PLS3: variants seen among roughly 807,000 people sequenced by gnomAD.
The protein encoded by PLS3 is plastin-3.
A neutral mutation model predicts 46.5 loss-of-function variants in PLS3; 11 were observed. The ratio of observed to expected loss-of-function variants is 0.24; its 90% confidence interval spans 0.15 to 0.39. The LOEUF (loss-of-function observed/expected upper bound fraction) is 0.39, where lower values mean the gene tolerates loss of function less well. PLS3 is among the 10% of genes least tolerant of loss of function. The pLI is 1.00. For synonymous variants in PLS3, 167 were observed against 162.2 expected, an observed-to-expected ratio of 1.03 and a Z score of -0.22; for missense variants, 308 against 461.8, an observed-to-expected ratio of 0.67 and a Z score of 3.05.
At position 115,629,825 on chromosome X, in the gene PLS3, A is replaced by G; in HGVS notation, c.368-10A>G. The G allele has an allele frequency of 2.8e-6, 3 of 1,063,315 alleles. No individual in the cohort carries two copies. The highest frequency in any genetic ancestry group is 4.8e-5 in the Admixed American group (2 of 41,611). The allele number at this position is 1,063,315 out of a possible 1,213,427, so 87.6% of individuals were successfully genotyped here. On this transcript the variant is annotated splice_polypyrimidine_tract_variant and intron_variant, in intron 4 of 15. Transcript: ENST00000355899. The stretch of plus-strand genomic sequence containing the variant: ...ATGAACTAATGTCTTGTTATTTAAC[A>G]TAATTTTAGAGGAAGAAAAATATGC...
intron 1 of PLS3, among the ~76,000 whole-genome samples, chrX:115,595,170 T>G (rs781996429): frequency 1.8e-5 from 2 of 111,972 alleles, no homozygotes; most frequent in South Asian, 7.4e-4. Context: ...TATTTTTAAA[T>G]AGCCATTGCT....
At chrX:115,632,188 G>A (rs1413094474) in intron 5 of PLS3, among the ~76,000 whole-genome samples, 3 of 111,851 alleles carry the variant, frequency 2.7e-5, no homozygotes, top group African/African-American at 9.7e-5. Flanking sequence ...TCTATAAATT[G>A]TAAAAATAAT....
chrX:115,580,987 C>T (rs1556631765), intron 1 of PLS3, among the ~76,000 whole-genome samples: 2 of 111,267 alleles, frequency 1.8e-5, no homozygotes, highest in Non-Finnish European at 3.8e-5. Context: ...CCTCCCGCCT[C>T]AGCCTCCCAA....
intron 1 of PLS3, among the ~76,000 whole-genome samples, chrX:115,591,868 C>A (rs2074347506): frequency 8.9e-6 from 1 of 112,362 alleles, no homozygotes; most frequent in South Asian, 3.7e-4. Flanking sequence ...GCAACAAAGA[C>A]AGACGGAAAA....
At chrX:115,622,169 C>T (rs377480243) in intron 2 of PLS3, 77 bp from the exon 3 acceptor site, 2 of 818,039 alleles carry the variant, frequency 2.4e-6, no homozygotes, top group African/African-American at 2.1e-5. Context: ...TGAACTGAAC[C>T]TCAAATGAAG....
intron 1 of PLS3, among the ~76,000 whole-genome samples, chrX:115,597,841 T>C (rs1051347957): frequency 8.9e-6 from 1 of 111,770 alleles, no homozygotes; most frequent in Non-Finnish European, 1.9e-5. Flanking sequence ...GTCAATTTTA[T>C]TTGAGGTACC....
At chrX:115,633,449 C>G (rs1021100485) in intron 5 of PLS3, among the ~76,000 whole-genome samples, 5 of 111,203 alleles carry the variant, frequency 4.5e-5, no homozygotes, top group South Asian at 3.8e-4. Flanking sequence ...GGATTACAGG[C>G]GTGAGCCACC....
At chrX:115,610,367 T>G (rs2074536631) in intron 2 of PLS3, 44 bp downstream of exon 2, 2 of 704,391 alleles carry the variant, frequency 2.8e-6, no homozygotes, top group Admixed American at 5.6e-5. Context: ...CAATATTTAT[T>G]TGGTCTCAAA....
intron 1 of PLS3, among the ~76,000 whole-genome samples, chrX:115,572,465 T>C (rs1458046657): frequency 8.9e-6 from 1 of 111,961 alleles, no homozygotes; most frequent in African/African-American, 3.2e-5. Flanking sequence ...ATCTAGAAAC[T>C]GTAAGTGTTG....
At chrX:115,570,017 A>C (rs192201739) in intron 1 of PLS3, among the ~76,000 whole-genome samples, 122 of 110,949 alleles carry the variant, frequency 1.1e-3, no homozygotes, top group African/African-American at 3.9e-3. Flanking sequence ...GCTCACTGCA[A>C]CCTCCATCCC....
chrX:115,647,610 T>C lies in PLS3; in HGVS notation c.1572T>C (p.Ile524=). 8.3e-7 allele frequency: 1 copy of C among 1,203,469 alleles called. No homozygotes were observed. The highest frequency in any genetic ancestry group is 1.8e-5 in the South Asian group (1 of 56,743). The change falls in exon 14 of 16, where the codon ATT becomes ATC. Residue 524 remains isoleucine (I), a synonymous_variant. Transcript: ENST00000355899. ...GTCAGAAAGCCAATGACGACATCAT[T>C]GTGAACTGGGTGAACAGAACGTTGA... ...GDGQKANDDI[I]VNWVNRTLSE...
At chrX:115,648,767 C>G (rs1195111430) in intron 15 of PLS3, among the ~76,000 whole-genome samples, 1 of 111,919 alleles carries the variant, frequency 8.9e-6, no homozygotes, top group Non-Finnish European at 1.9e-5. Context: ...CACAATATAT[C>G]AAGAACTCTT....
chrX:115,635,502 T>C (rs782114466), intron 7 of PLS3, among the ~76,000 whole-genome samples: 3 of 107,845 alleles, frequency 2.8e-5, no homozygotes, highest in African/African-American at 1.0e-4. Flanking sequence ...ATACAAAAAA[T>C]TAGCCAGGCG....
intron 2 of PLS3, among the ~76,000 whole-genome samples, chrX:115,618,478 C>T (rs1478133008): frequency 9.0e-6 from 1 of 111,545 alleles, no homozygotes; most frequent in East Asian, 2.8e-4. Context: ...CTCAGCTACT[C>T]AGGAGGCTAA....
At chrX:115,616,196 A>G (rs1476604034) in intron 2 of PLS3, among the ~76,000 whole-genome samples, 3 of 112,118 alleles carry the variant, frequency 2.7e-5, no homozygotes, top group African/African-American at 9.7e-5. Context: ...TCTAATTCCA[A>G]TGCTCTGTTT....
At chrX:115,588,291 T>G (rs782248590) in intron 1 of PLS3, among the ~76,000 whole-genome samples, 13 of 112,144 alleles carry the variant, frequency 1.2e-4, no homozygotes, top group Non-Finnish European at 2.1e-4. Flanking sequence ...AAGTATTTCT[T>G]TCTTTTTACA....
chrX:115,639,608 G>A, intron 8 of PLS3: 1 of 292,600 alleles, frequency 3.4e-6, no homozygotes, highest in Non-Finnish European at 6.6e-6. Context: ...CATATGGCAG[G>A]ATTAAGGAAT....
chrX:115,585,703 T>TATGGAATAAAATTGAA (rs1556632349), intron 1 of PLS3, among the ~76,000 whole-genome samples: 1 of 111,304 alleles, frequency 9.0e-6, no homozygotes, highest in Non-Finnish European at 1.9e-5. Flanking sequence ...AAACTTATTT[T>TATGGAATAAAATTGAA]TATGGAATTA....
intron 5 of PLS3, among the ~76,000 whole-genome samples, chrX:115,633,362 G>A (rs1032127475): frequency 2.4e-4 from 27 of 110,564 alleles, no homozygotes; most frequent in Admixed American, 5.8e-4. Flanking sequence ...GTAGAGACGG[G>A]GTTTTCCCAT....
Sources: gnomAD v4.1 joint callset for allele counts (sites outside exome capture counted in the v4.1 genomes callset) on GRCh38, gnomAD v4.1.1 for gene constraint, MANE v1.5 for transcripts, NCBI Gene and HGNC (gene_info 2026-07-23, HGNC 2026-07-21) for gene names.